Variants in ACTG2 observed in about 807,000 individuals in gnomAD.
ACTG2 encodes actin, gamma-enteric smooth muscle.
A neutral mutation model predicts 37.6 loss-of-function variants in ACTG2; 16 were observed. That is an observed-to-expected ratio of 0.43 (90% CI 0.29 to 0.65). The LOEUF (loss-of-function observed/expected upper bound fraction) is 0.65. Ranked by LOEUF, ACTG2 falls within the 30% of genes least tolerant of loss-of-function variation. ACTG2 has a pLI of 0.18. For missense variants in ACTG2, 238 were observed against 490.9 expected (o/e 0.48, Z 4.87); for synonymous variants, 181 against 179.9 (o/e 1.01, Z -0.05).
chr2:73,900,783 C>T (rs1325355862), intron 1 of ACTG2, among the ~76,000 whole-genome samples: 2 of 152,100 alleles, frequency 1.3e-5, no homozygotes, highest in African/African-American at 2.4e-5. Context: ...AGTTCCTTTC[C>T]ACACTCCCAG....
chr2:73,906,464 A>G (rs1003024642), intron 3 of ACTG2, among the ~76,000 whole-genome samples: 2 of 149,334 alleles, frequency 1.3e-5, no homozygotes, highest in African/African-American at 4.9e-5. Context: ...ATAAAAAATA[A>G]AAAATAAATA....
At chr2:73,893,499 T>C (rs972445810) in intron 1 of ACTG2, among the ~76,000 whole-genome samples, 1 of 152,192 alleles carries the variant, frequency 6.6e-6, no homozygotes, top group African/African-American at 2.4e-5. Context: ...GTCCATGAAA[T>C]GTCTGTGCTG....
At chr2:73,904,050 GC>G (rs1247958374) in intron 3 of ACTG2, among the ~76,000 whole-genome samples, 7 of 150,860 alleles carry the variant, frequency 4.6e-5, no homozygotes, top group African/African-American at 1.5e-4. Flanking sequence ...CTTGAGGCCA[GC>G]CTGGGCAACA....
At chr2:73,909,251 C>T (rs1045722069) in intron 5 of ACTG2, 112 bp downstream of exon 5, 3 of 926,138 alleles carry the variant, frequency 3.2e-6, no homozygotes, top group Non-Finnish European at 3.4e-6. Context: ...GAAGTCCAGG[C>T]AAAATCTTTC....
intron 1 of ACTG2, among the ~76,000 whole-genome samples, chr2:73,896,143 G>A (rs922617419): frequency 6.6e-6 from 1 of 152,114 alleles, no homozygotes; most frequent in African/African-American, 2.4e-5. Context: ...AGACCAGCCT[G>A]GGCAACATAG....
At chr2:73,901,487 G>A (rs757542398) in intron 2 of ACTG2, 50 bp downstream of exon 2, 23 of 1,583,630 alleles carry the variant, frequency 1.5e-5, no homozygotes, top group African/African-American at 1.1e-4. Context: ...AGGAGTAAGC[G>A]CTGCACTGTG....
intron 2 of ACTG2, chr2:73,901,870 T>C (rs1418904662): frequency 5.2e-6 from 1 of 192,958 alleles, no homozygotes; most frequent in East Asian, 1.5e-4. Context: ...TCATGGGCTG[T>C]AATAGAGGTA....
At chr2:73,912,027 C>T (rs1680150307) in intron 5 of ACTG2, among the ~76,000 whole-genome samples, 2 of 152,202 alleles carry the variant, frequency 1.3e-5, no homozygotes, top group African/African-American at 4.8e-5. Flanking sequence ...CAGACTTTGT[C>T]ATTATGGAGC....
chr2:73,919,343 C>A, intron 8 of ACTG2, 89 bp from the exon 9 acceptor site: 1 of 1,452,064 alleles, frequency 6.9e-7, no homozygotes, highest in Non-Finnish European at 9.4e-7. Flanking sequence ...GACCATGGGG[C>A]TCCCCTTTTC....
intron 3 of ACTG2, among the ~76,000 whole-genome samples, chr2:73,904,769 GTGTGTGTGTATATATATA>G (rs1320893017): frequency 0.13 from 4,715 of 35,838 alleles, 102 homozygotes; most frequent in Admixed American, 0.19. Context: ...GTGTGTGTGT[GTGTGTGTGTATATATATA>G]TATATATATA....
chr2:73,900,393 A>G (rs1286560653), intron 1 of ACTG2, among the ~76,000 whole-genome samples: 1 of 152,254 alleles, frequency 6.6e-6, no homozygotes, highest in Admixed American at 6.5e-5. Flanking sequence ...AAAGAAAAAG[A>G]TACAGGAAGG....
At chr2:73,908,910 G>C (rs1473624151) in intron 4 of ACTG2, 127 bp downstream of exon 4, 9 of 1,198,118 alleles carry the variant, frequency 7.5e-6, no homozygotes, top group Non-Finnish European at 1.1e-5. Context: ...TGTGGTCCAT[G>C]CCAGGCCCTG....
intron 2 of ACTG2, among the ~76,000 whole-genome samples, 175 bp from the exon 3 acceptor site, chr2:73,902,185 T>C (rs954275196): frequency 3.3e-5 from 5 of 152,136 alleles, no homozygotes; most frequent in African/African-American, 1.2e-4. Flanking sequence ...CTTCTCTTCC[T>C]GACACCTTCA....
At chr2:73,902,249 G>A (rs1385273853) in intron 2 of ACTG2, 111 bp from the exon 3 acceptor site, 3 of 1,303,896 alleles carry the variant, frequency 2.3e-6, no homozygotes, top group Admixed American at 2.3e-5. Flanking sequence ...TCTGGGGGAA[G>A]AAAGGCTGTT....
intron 7 of ACTG2, among the ~76,000 whole-genome samples, chr2:73,915,503 G>A (rs185967399): frequency 6.9e-6 from 1 of 145,364 alleles, no homozygotes; most frequent in Non-Finnish European, 1.5e-5. Flanking sequence ...CTGGGCAACA[G>A]GGTGAGATTC....
chr2:73,904,777 G>GTGTA (rs1427483105), intron 3 of ACTG2, among the ~76,000 whole-genome samples: 91 of 42,610 alleles, frequency 2.1e-3, no homozygotes, highest in South Asian at 5.0e-3. Context: ...GTGTGTGTGT[G>GTGTA]TATATATATA....
chr2:73,898,250 G>T (rs973461250), intron 1 of ACTG2, among the ~76,000 whole-genome samples: 1 of 147,782 alleles, frequency 6.8e-6, no homozygotes, highest in African/African-American at 2.5e-5. Flanking sequence ...TGGGTGCCAG[G>T]CCTGCCTTTC....
chr2:73,902,681 G>A (rs755630215), intron 3 of ACTG2, 193 bp downstream of exon 3: 13 of 1,551,654 alleles, frequency 8.4e-6, no homozygotes, highest in Non-Finnish European at 1.1e-5. Flanking sequence ...CTATTGCAAT[G>A]GCTTCCTGGC....
chr2:73,913,721 A>G (rs1680194564), intron 6 of ACTG2, 75 bp downstream of exon 6: 28 of 1,298,954 alleles, frequency 2.2e-5, no homozygotes, highest in Middle Eastern at 1.9e-4. Context: ...CTCAGGACCA[A>G]TGAGAATTCT....
Sources: gnomAD v4.1 joint callset for allele counts (sites outside exome capture counted in the v4.1 genomes callset) on GRCh38, gnomAD v4.1.1 for gene constraint, MANE v1.5 for transcripts, NCBI Gene and HGNC (gene_info 2026-07-23, HGNC 2026-07-21) for gene names.